The following MBNL2 variants were observed in gnomAD, a reference collection of about 807,000 sequenced individuals.
MBNL2 encodes the protein muscleblind like splicing regulator 2, also known as muscleblind-like protein 2.
Under a neutral mutation model 41.9 loss-of-function variants are expected in MBNL2, and 17 were observed. The ratio of observed to expected loss-of-function variants is 0.41; its 90% CI spans 0.28 to 0.61. The LOEUF is 0.61. MBNL2 is among the 20% of genes least tolerant of loss of function. The pLI, the probability that MBNL2 is intolerant of heterozygous loss-of-function variation, is 0.35. For missense variants in MBNL2, 336 were observed against 505.6 expected (o/e 0.66, Z 3.22); for synonymous variants, 195 against 182.9 (o/e 1.07, Z -0.53).
At chr13:97,312,710 T>C (rs992166020) in intron 2 of MBNL2, among the ~76,000 whole-genome samples, 1 of 152,246 alleles carries the variant, frequency 6.6e-6, no homozygotes, top group Non-Finnish European at 1.5e-5. Context: ...TTATTACTTA[T>C]CATTTACTAC....
At chr13:97,243,962 TCTTTCACAGTATCAGAAAGGCA>T (rs2044879698) in intron 1 of MBNL2, among the ~76,000 whole-genome samples, 1 of 152,118 alleles carries the variant, frequency 6.6e-6, no homozygotes, top group African/African-American at 2.4e-5. Flanking sequence ...TACACTTCTG[TCTTTCACAGTATCAGAAAGGCA>T]AGGGGGAAAA....
the MBNL2 span, among the ~76,000 whole-genome samples, chr13:97,202,761 T>C: frequency 6.6e-6 from 1 of 152,136 alleles, no homozygotes; most frequent in East Asian, 1.9e-4. Flanking sequence ...AGGCAAGAAA[T>C]GCTCTTGACT....
Position 97,343,068 on chromosome 13 carries a change from C to T in MBNL2, c.392C>T (p.Ala131Val). The change falls in exon 4 of 9, where the codon GCT (alanine) becomes GTT (valine). Residue 131 changes from alanine to valine, a missense_variant. Transcript: ENST00000679496. ...GGGACAAATACGGCTATTAGCTTTG[C>T]TCCTTACCTAGCACCTGTAACCCCT... ...AIGTNTAISF[A>V]PYLAPVTPGV... The T allele has an allele frequency of 6.2e-7, 1 of 1,614,086 alleles. No individual in the cohort carries two copies. The highest frequency in any genetic ancestry group is 1.3e-5 in the African/African-American group (1 of 75,042).
At chr13:97,378,951 T>C (rs1188232516) in intron 8 of MBNL2, among the ~76,000 whole-genome samples, 1 of 152,192 alleles carries the variant, frequency 6.6e-6, no homozygotes, top group Admixed American at 6.5e-5. Flanking sequence ...TTGCTTAAGA[T>C]TCAAGCAGGT....
intron 1 of MBNL2, among the ~76,000 whole-genome samples, chr13:97,232,195 G>C (rs1306433516): frequency 1.3e-5 from 2 of 152,044 alleles, no homozygotes; most frequent in South Asian, 2.1e-4. Flanking sequence ...CATCCATCTC[G>C]TGCCCCTGTC....
chr13:97,281,361 G>T lies in MBNL2; in HGVS notation c.174+4952G>T, dbSNP rs190572275. On this transcript the variant is annotated intron_variant, in intron 2 of 8. Transcript: ENST00000679496. ...AGATTTCAAAATCAGGGAGTTCTGT[G>T]TAGGAATTTCAAGACTCTGGAAGTA... Among the ~76,000 whole-genome samples the T allele has an allele frequency of 4.6e-5, 7 of 152,294 alleles. No homozygotes were observed. The East Asian group carries it at 9.6e-4, about 21-fold the overall frequency.
chr13:97,156,441 T>C, the MBNL2 span, among the ~76,000 whole-genome samples: 1 of 142,452 alleles, frequency 7.0e-6, no homozygotes, highest in Non-Finnish European at 1.5e-5. Flanking sequence ...TGCCATTGCT[T>C]TTGGTGTTTT....
At chr13:97,265,736 T>G (rs991489551) in intron 1 of MBNL2, among the ~76,000 whole-genome samples, 2 of 152,164 alleles carry the variant, frequency 1.3e-5, no homozygotes, top group African/African-American at 4.8e-5. Context: ...AGATTATTGA[T>G]AGTATACTAC....
chr13:97,172,870 T>G, the MBNL2 span: 1 of 152,126 alleles, frequency 6.6e-6, no homozygotes, highest in African/African-American at 2.4e-5. Context: ...GCTTCCTATT[T>G]TGCACAGAAG....
chr13:97,267,033 G>T (rs1331949638), intron 1 of MBNL2, among the ~76,000 whole-genome samples: 1 of 152,174 alleles, frequency 6.6e-6, no homozygotes, highest in Non-Finnish European at 1.5e-5. Flanking sequence ...CCTTAAGGTG[G>T]TCTGAAATTT....
At chr13:97,312,591 C>G (rs558250968) in intron 2 of MBNL2, among the ~76,000 whole-genome samples, 38 of 152,124 alleles carry the variant, frequency 2.5e-4, no homozygotes, top group Middle Eastern at 3.2e-3. Flanking sequence ...TCTCAAAGAC[C>G]AGGAAACCCT....
chr13:97,155,288 A>T, the MBNL2 span, among the ~76,000 whole-genome samples: 1 of 151,180 alleles, frequency 6.6e-6, no homozygotes, highest in African/African-American at 2.4e-5. Flanking sequence ...GTTTTAAATA[A>T]TTTTTTTTAG....
At chr13:97,364,967 A>G (rs1224352867) in intron 7 of MBNL2, among the ~76,000 whole-genome samples, 169 bp from the exon 8 acceptor site, 1 of 152,238 alleles carries the variant, frequency 6.6e-6, no homozygotes, top group Non-Finnish European at 1.5e-5. Context: ...AAAATAAGTC[A>G]GATATATTTG....
At chr13:97,374,063 A>ATTTTTTTTTTTTTTTTTTTTTT (rs61185219) in intron 8 of MBNL2, among the ~76,000 whole-genome samples, 2 of 63,108 alleles carry the variant, frequency 3.2e-5, no homozygotes, top group African/African-American at 5.6e-5. Context: ...CCTCCTTTGC[A>ATTTTTTTTTTTTTTTTTTTTTT]TTTTTTTTTT....
chr13:97,198,498 T>A, the MBNL2 span, among the ~76,000 whole-genome samples: 1 of 148,608 alleles, frequency 6.7e-6, no homozygotes, highest in Non-Finnish European at 1.5e-5. Context: ...ATATATATAT[T>A]TAAGATATAT....
chr13:97,249,895 T>G (rs1270522609), intron 1 of MBNL2, among the ~76,000 whole-genome samples: 1 of 152,242 alleles, frequency 6.6e-6, no homozygotes, highest in Non-Finnish European at 1.5e-5. Flanking sequence ...CCAATTGATT[T>G]GTTTGTAGTT....
At chr13:97,316,340 C>T (rs1335579680) in intron 2 of MBNL2, among the ~76,000 whole-genome samples, 3 of 152,200 alleles carry the variant, frequency 2.0e-5, no homozygotes, top group Non-Finnish European at 4.4e-5. Context: ...CTCCTGATGC[C>T]ACCTCTGGCC....
rs1455034185 is a variant in MBNL2, at chr13:97,393,323, A to G, written c.*1874A>G. The G allele has an allele frequency of 6.6e-6, 1 of 152,376 alleles. No individual in the cohort carries two copies. The highest frequency in any genetic ancestry group is 1.5e-5 in the Non-Finnish European group (1 of 67,918). 9.4% of individuals were successfully genotyped at this position (152,376 alleles called of 1,614,324 possible). On this transcript the variant is annotated 3_prime_UTR_variant, in exon 9 of 9. Transcript: ENST00000679496. ...TAAACTCATTGAAAACATAGTATAC[A>G]TTACTAAAAGGTAAATTATGGGAAT...
the MBNL2 span, among the ~76,000 whole-genome samples, chr13:97,176,176 C>T: frequency 0.096 from 14,524 of 152,050 alleles, 763 homozygotes; most frequent in South Asian, 0.17. Context: ...CTGGGTCTGA[C>T]AAGAGAAGAA....
Sources: allele counts gnomAD v4.1 joint callset (sites outside exome capture counted in the v4.1 genomes callset), GRCh38; gene constraint gnomAD v4.1.1; transcripts MANE v1.5; gene names NCBI Gene and HGNC (gene_info 2026-07-23, HGNC 2026-07-21).